Variants in CCL28 observed in about 807,000 individuals in gnomAD.
CCL28 encodes C-C motif chemokine ligand 28.
Under a neutral mutation model 7.1 loss-of-function variants are expected in CCL28, and 4 were observed. The observed-to-expected ratio is 0.56, with a 90% CI of 0.28 to 1.29. The LOEUF is 1.29. Among genes scored for constraint, CCL28 ranks in the 50% most tolerant of loss-of-function variants. The pLI, the probability that CCL28 is intolerant of heterozygous loss-of-function variation, is 0.11. For synonymous variants in CCL28, 55 were observed against 57.8 expected (o/e 0.95, Z 0.22); for missense variants, 151 against 163.4 (o/e 0.92, Z 0.41).
the CCL28 span, among the ~76,000 whole-genome samples, chr5:43,363,764 C>T: frequency 6.6e-6 from 1 of 152,178 alleles, no homozygotes; most frequent in African/African-American, 2.4e-5. Context: ...CCAAAAAGCT[C>T]TTGCTCTCTG....
chr5:43,363,480 C>A, the CCL28 span, among the ~76,000 whole-genome samples: 1 of 152,216 alleles, frequency 6.6e-6, no homozygotes, highest in South Asian at 2.1e-4. Flanking sequence ...TCCTGGGAAG[C>A]ACATAGGCTC....
the CCL28 span, among the ~76,000 whole-genome samples, chr5:43,363,601 C>G: frequency 6.6e-6 from 1 of 152,188 alleles, no homozygotes; most frequent in Non-Finnish European, 1.5e-5. Context: ...GTGTCAAGCC[C>G]GAGTGACCAA....
chr5:43,360,815 T>C, the CCL28 span, among the ~76,000 whole-genome samples: 1 of 152,154 alleles, frequency 6.6e-6, no homozygotes, highest in African/African-American at 2.4e-5. Flanking sequence ...ATTCTGGATA[T>C]GAGACCTTTT....
the CCL28 span, among the ~76,000 whole-genome samples, chr5:43,367,752 A>G: frequency 2.6e-5 from 4 of 152,346 alleles, no homozygotes; most frequent in Admixed American, 2.6e-4. Flanking sequence ...GGAAATGCAG[A>G]AATCACCTGC....
chr5:43,359,885 A>G, the CCL28 span, among the ~76,000 whole-genome samples: 1 of 152,036 alleles, frequency 6.6e-6, no homozygotes, highest in Non-Finnish European at 1.5e-5. Context: ...CTAGAGGCAG[A>G]TTCAATGCAT....
downstream of CCL28, among the ~76,000 whole-genome samples, chr5:43,375,446 C>A (rs1433413929): frequency 1.8e-5 from 1 of 56,400 alleles, no homozygotes; most frequent in Non-Finnish European, 3.2e-5. Context: ...CCATCAGAAA[C>A]AGACAGAAAG....
At chr5:43,385,167 G>A (rs1187861951) in intron 2 of CCL28, among the ~76,000 whole-genome samples, 3 of 152,204 alleles carry the variant, frequency 2.0e-5, no homozygotes, top group Non-Finnish European at 2.9e-5. Context: ...AAAGTGCTGG[G>A]ATTACAGGCG....
chr5:43,374,684 G>A (rs1739849967), downstream of CCL28, among the ~76,000 whole-genome samples: 1 of 151,890 alleles, frequency 6.6e-6, no homozygotes. Context: ...AGGAAGCTGA[G>A]GCAGGAGAAT....
At chr5:43,374,881 G>A (rs555124874), downstream of CCL28, among the ~76,000 whole-genome samples, 4 of 151,862 alleles carry the variant, frequency 2.6e-5, no homozygotes, top group South Asian at 8.3e-4. Flanking sequence ...AAGCTTCAAA[G>A]AATGAGTGAA....
rs1561169942 is a variant in CCL28, at chr5:43,408,478, AG to A, written c.64+3774del. 2.6e-5 allele frequency among the ~76,000 whole-genome samples: 4 copies of A among 152,266 alleles called. No individual in the cohort carries two copies. The East Asian group carries it at 7.7e-4, about 29-fold the overall frequency. On this transcript the variant is annotated intron_variant, in intron 1 of 2. Transcript: ENST00000361115. ...CCCAGGGTGGGGAACATCACACACC[AG>A]GGCCTGTCGTAAGGTGGGGGGAGCG... is the stretch of plus-strand genomic sequence containing the variant.
intron 1 of CCL28, among the ~76,000 whole-genome samples, chr5:43,404,943 C>T (rs1741207339): frequency 6.6e-6 from 1 of 152,168 alleles, no homozygotes; most frequent in African/African-American, 2.4e-5. Flanking sequence ...GGTATCAATT[C>T]AACAAGAAGA....
rs1339790883 is a variant in CCL28 at position 43,381,074 on chromosome 5, T to C, written c.*786A>G. On this transcript the variant is annotated 3_prime_UTR_variant, in exon 3 of 3. Transcript: ENST00000361115. ...CTTTATTTTAGGGTATGTCAAGTTA[T>C]AACACCAAAAAGAAACTAGGGGTGA... 1 of 151,984 alleles carries C rather than the reference T, an allele frequency of 6.6e-6. No individual in the cohort carries two copies. The highest frequency in any genetic ancestry group is 1.5e-5 in the Non-Finnish European group (1 of 67,992). The allele number at this position is 151,984 out of a possible 1,614,324, so 9.4% of individuals were successfully genotyped here.
the CCL28 span, among the ~76,000 whole-genome samples, chr5:43,370,575 G>A: frequency 1.3e-5 from 2 of 152,056 alleles, no homozygotes; most frequent in Non-Finnish European, 2.9e-5. Flanking sequence ...AAATGGATCA[G>A]GATCTCCCTT....
At chr5:43,371,028 C>T in the CCL28 span, among the ~76,000 whole-genome samples, 10 of 152,290 alleles carry the variant, frequency 6.6e-5, no homozygotes, top group African/African-American at 2.2e-4. Context: ...AGGAGTGAGC[C>T]GCCATGCCTG....
the CCL28 span, among the ~76,000 whole-genome samples, chr5:43,364,651 T>C: frequency 6.6e-6 from 1 of 152,236 alleles, no homozygotes; most frequent in African/African-American, 2.4e-5. Flanking sequence ...ATATTGACAG[T>C]GGGGTGTTAA....
chr5:43,408,487 C>T (rs183149881), intron 1 of CCL28, among the ~76,000 whole-genome samples: 1 of 152,098 alleles, frequency 6.6e-6, no homozygotes, highest in Admixed American at 6.5e-5. Context: ...CAGGGCCTGT[C>T]GTAAGGTGGG....
the CCL28 span, among the ~76,000 whole-genome samples, chr5:43,370,830 C>A: frequency 5.6e-4 from 85 of 151,310 alleles, no homozygotes; most frequent in Non-Finnish European, 9.3e-4. Flanking sequence ...CAACCTCTGA[C>A]TCCTGGGTTC....
intron 1 of CCL28, among the ~76,000 whole-genome samples, chr5:43,405,681 C>A (rs1388127620): frequency 2.0e-5 from 3 of 152,236 alleles, no homozygotes; most frequent in Middle Eastern, 3.4e-3. Context: ...AAACAAAAAA[C>A]CATTCAAAAA....
chr5:43,397,391 A>G (rs1434200116), intron 1 of CCL28: 2 of 148,138 alleles, frequency 1.4e-5, no homozygotes, highest in African/African-American at 5.1e-5. Context: ...TCCCACTGTT[A>G]TTGGGATTAT....
Sources: allele counts gnomAD v4.1 joint callset (sites outside exome capture counted in the v4.1 genomes callset), GRCh38; gene constraint gnomAD v4.1.1; transcripts MANE v1.5; gene names NCBI Gene and HGNC (gene_info 2026-07-23, HGNC 2026-07-21).